The following CLTC variants were observed in gnomAD, a reference collection of about 807,000 sequenced individuals.
CLTC encodes the protein clathrin heavy chain, also known as clathrin heavy chain 1.
A neutral mutation model predicts 195.8 loss-of-function variants in CLTC; 16 were observed. That is an observed-to-expected ratio of 0.08 (90% CI 0.06 to 0.12). The LOEUF is 0.12. Ranked by LOEUF, CLTC falls within the 10% of genes least tolerant of loss-of-function variation. CLTC has a pLI of 1.00. For missense variants in CLTC, 796 were observed against 2,027.0 expected (o/e 0.39, Z 11.66); for synonymous variants, 667 against 689.4 (o/e 0.97, Z 0.51).
chr17:59,645,936 T>A (rs1460960409), intron 2 of CLTC: 3 of 436,632 alleles, frequency 6.9e-6, no homozygotes, highest in Non-Finnish European at 9.1e-6. Flanking sequence ...AGGCCATCAT[T>A]TTAATTTTGC....
Position 59,681,911 on chromosome 17 carries a change from C to A in CLTC, c.3442+72C>A. ...CTAAGCATTAAGATATCTGTCTATT[C>A]TGAATTTTAGAAGAGTTGGATACTG... On this transcript the variant is annotated intron_variant, in intron 21 of 31. Coordinates refer to ENST00000269122, the MANE Select transcript of CLTC (RefSeq NM_004859.4). This position sits in a 1 kb window ranked among gnomAD's most constrained non-coding sequence, Gnocchi z 5.0. The A allele has an allele frequency of 7.3e-7, 1 of 1,364,500 alleles. No homozygotes were observed. Among genetic ancestry groups the A allele is most frequent in the Non-Finnish European group, 1.0e-6 (1 of 1,001,032 alleles). The allele number at this position is 1,364,500 out of a possible 1,614,324, so 84.5% of individuals were successfully genotyped here.
At chr17:59,672,488 C>T (rs147026781) in intron 14 of CLTC, among the ~76,000 whole-genome samples, 292 of 152,194 alleles carry the variant, frequency 1.9e-3, no homozygotes, top group Admixed American at 3.4e-3. Context: ...ACATGACATA[C>T]TAAAATTTTT....
At position 59,673,514 on chromosome 17, in the gene CLTC, ATTCT is replaced by A. The variant is rs200482482; in HGVS notation, c.2293-126_2293-123del. On this transcript the variant is annotated intron_variant, in intron 14 of 31. Transcript: ENST00000269122. ...GATGTACACACTCAACTATTGGGAC[ATTCT>A]TTCTTTAACAGAAGAGCTATGTTTG... 1.9e-3 allele frequency: 1,222 copies of A among 651,574 alleles called. 10 individuals are homozygous for A. Among genetic ancestry groups the A allele is most frequent in the African/African-American group, 0.013 (708 of 54,354 alleles). The allele number at this position is 651,574 out of a possible 1,614,324, so 40.4% of individuals were successfully genotyped here.
intron 1 of CLTC, among the ~76,000 whole-genome samples, chr17:59,621,680 T>C (rs1273709981): frequency 6.6e-6 from 1 of 152,226 alleles, no homozygotes; most frequent in African/African-American, 2.4e-5. Context: ...AAATAACTCA[T>C]CTGAAGTAAT....
rs2033101069 is a variant in CLTC, at chr17:59,682,538, A to C, written c.3601-91A>C. 9.5e-6 allele frequency: 15 copies of C among 1,579,068 alleles called. No individual in the cohort carries two copies. The South Asian group carries it at 1.6e-4, about 17-fold the overall frequency. ...CCAAGGAAAAATCTATAGGAAAACA[A>C]ATTCTTTCTCATTGTGAAGATATCA... On this transcript the variant is annotated intron_variant, in intron 22 of 31. Coordinates refer to ENST00000269122, the MANE Select transcript of CLTC (RefSeq NM_004859.4). The surrounding 1 kb of genome is among the most constrained non-coding windows in gnomAD (Gnocchi z 6.8).
chr17:59,689,924 C>A (rs1358535), intron 30 of CLTC: 117,832 of 152,128 alleles, frequency 0.77, 46,638 homozygotes, highest in East Asian at 0.93. Context: ...ATACATTTGG[C>A]CTGCTCTACA....
At chr17:59,691,371 T>C (rs1330936888) in intron 31 of CLTC, among the ~76,000 whole-genome samples, 1 of 152,084 alleles carries the variant, frequency 6.6e-6, no homozygotes, top group Admixed American at 6.6e-5. Flanking sequence ...ATGCCTGTAA[T>C]CCCAGCACTT....
rs530495267 is a variant in CLTC, at chr17:59,667,085, A to G, written c.2128+108A>G. ...TTTGTTTTTCTAAAAATTTGGTTCT[A>G]TGGGACATTTTAATTTTTTAAGTTT... On this transcript the variant is annotated intron_variant, in intron 13 of 31. Transcript: ENST00000269122. 3.5e-4 allele frequency: 278 copies of G among 795,904 alleles called. 1 individual carries two copies. The highest frequency in any genetic ancestry group is 1.4e-3 in the Middle Eastern group (4 of 2,766). The allele number at this position is 795,904 out of a possible 1,614,324, so 49.3% of individuals were successfully genotyped here.
chr17:59,657,176 A>T (rs1042595767), intron 6 of CLTC, among the ~76,000 whole-genome samples: 1 of 152,120 alleles, frequency 6.6e-6, no homozygotes, highest in Admixed American at 6.5e-5. Flanking sequence ...TATGTATATG[A>T]AGAGACAATT....
chr17:59,664,880 G>T lies in CLTC; in HGVS notation c.1615G>T (p.Asp539Tyr). ...GQQFAQMLVQ[D>Y]EEPLADITQI... ...GCAGTTTGCCCAAATGTTAGTTCAA[G>T]ATGAAGAGCCTCTTGCTGACATCAC... Residue 539 changes from aspartate to tyrosine, a missense_variant, in exon 10 of 32, where the codon GAT (aspartate) becomes TAT (tyrosine). Around this residue, in one of 9 missense-constraint regions of CLTC, gnomAD observed 293 missense variants for 795.6 expected, o/e 0.37. Coordinates refer to ENST00000269122, the MANE Select transcript of CLTC (RefSeq NM_004859.4). The T allele has an allele frequency of 6.2e-7, 1 of 1,614,070 alleles. No individual in the cohort carries two copies. The highest frequency in any genetic ancestry group is 1.1e-5 in the South Asian group (1 of 91,074).
At position 59,690,719 on chromosome 17, in the gene CLTC, C is replaced by T. The variant is rs747426413; in HGVS notation, c.4903+8C>T. ...CACAACCCATTGTTTATGGTAATCT[C>T]TCTCTGTAACCTCAAAAAATTCATT... On this transcript the variant is annotated splice_region_variant and intron_variant, in intron 31 of 31. Coordinates refer to ENST00000269122, the MANE Select transcript of CLTC (RefSeq NM_004859.4). 3 of 1,597,382 alleles carry T rather than the reference C, an allele frequency of 1.9e-6. No homozygotes were observed. Among genetic ancestry groups the T allele is most frequent in the Admixed American group, 1.7e-5 (1 of 59,402 alleles).
intron 28 of CLTC, among the ~76,000 whole-genome samples, chr17:59,684,763 C>A (rs1274320116): frequency 6.7e-6 from 1 of 148,310 alleles, no homozygotes; most frequent in Admixed American, 6.8e-5. Context: ...CAGATTGCAT[C>A]ACCACTGCAC....
intron 4 of CLTC, among the ~76,000 whole-genome samples, chr17:59,650,784 A>G (rs181282918): frequency 1.3e-5 from 2 of 152,150 alleles, no homozygotes; most frequent in South Asian, 4.1e-4. Flanking sequence ...CATTGGTACA[A>G]TTGTATAATT....
At chr17:59,674,441 C>CCA (rs2032921326) in intron 15 of CLTC, among the ~76,000 whole-genome samples, 1 of 152,002 alleles carries the variant, frequency 6.6e-6, no homozygotes, top group South Asian at 2.1e-4. Flanking sequence ...GTTTCGGTAA[C>CCA]TAACCAAACC....
intron 1 of CLTC, among the ~76,000 whole-genome samples, chr17:59,622,165 T>C (rs922073523): frequency 2.0e-5 from 3 of 152,230 alleles, no homozygotes; most frequent in African/African-American, 7.2e-5. Flanking sequence ...GAAGCCATTT[T>C]CTTCTCAAAT....
intron 8 of CLTC, among the ~76,000 whole-genome samples, chr17:59,662,097 G>A (rs1346030800): frequency 1.3e-5 from 2 of 149,268 alleles, no homozygotes; most frequent in African/African-American, 2.5e-5. Context: ...AACGAGACTC[G>A]GTCTTAAAAA....
At chr17:59,688,825 G>T (rs2033237795) in intron 30 of CLTC, among the ~76,000 whole-genome samples, 1 of 152,184 alleles carries the variant, frequency 6.6e-6, no homozygotes, top group Admixed American at 6.5e-5. Flanking sequence ...GTATTATGCA[G>T]TGGTGGCTTT....
intron 8 of CLTC, among the ~76,000 whole-genome samples, chr17:59,663,294 T>TA (rs2032652332): frequency 6.6e-6 from 1 of 152,140 alleles, no homozygotes; most frequent in African/African-American, 2.4e-5. Flanking sequence ...TAAAAATTCT[T>TA]AAGAGTGTCC....
chr17:59,650,481 GAC>G (rs1221384699), intron 4 of CLTC, among the ~76,000 whole-genome samples: 2 of 142,174 alleles, frequency 1.4e-5, no homozygotes, highest in Non-Finnish European at 3.0e-5. Flanking sequence ...ATATTCAGAT[GAC>G]TTTTTTTTTT....
Sources: allele counts gnomAD v4.1 joint callset (sites outside exome capture counted in the v4.1 genomes callset), GRCh38; gene constraint gnomAD v4.1.1; regional missense constraint gnomAD v4.1.1; non-coding constraint Gnocchi (gnomAD v3.1); transcripts MANE v1.5; gene names NCBI Gene and HGNC (gene_info 2026-07-23, HGNC 2026-07-21).